The following MAGI2 variants were observed in gnomAD, a reference collection of about 807,000 sequenced individuals.
MAGI2 encodes membrane-associated guanylate kinase, WW and PDZ domain-containing protein 2.
A neutral mutation model predicts 133.3 loss-of-function variants in MAGI2; 35 were observed. The observed-to-expected ratio is 0.26, with a 90% CI of 0.20 to 0.35. MAGI2 has a LOEUF of 0.35. Ranked by LOEUF, MAGI2 falls within the 10% of genes least tolerant of loss-of-function variation. MAGI2 has a pLI of 1.00. For missense variants in MAGI2, 1,636 were observed against 1,863.4 expected (o/e 0.88, Z 2.25); for synonymous variants, 729 against 710.6 (o/e 1.03, Z -0.41).
At chr7:78,760,461 C>T (rs539760132) in intron 2 of MAGI2, among the ~76,000 whole-genome samples, 1 of 148,018 alleles carries the variant, frequency 6.8e-6, no homozygotes, top group African/African-American at 2.5e-5. Context: ...CTCCTGGGTT[C>T]GAGCGATTCT....
intron 16 of MAGI2, among the ~76,000 whole-genome samples, chr7:78,149,587 C>T (rs1823663021): frequency 6.6e-6 from 1 of 152,214 alleles, no homozygotes; most frequent in South Asian, 2.1e-4. Flanking sequence ...TCTAGCAAGT[C>T]TAATAAACAT....
At chr7:78,899,070 C>A (rs1371174369) in intron 2 of MAGI2, among the ~76,000 whole-genome samples, 1 of 152,074 alleles carries the variant, frequency 6.6e-6, no homozygotes, top group Non-Finnish European at 1.5e-5. Context: ...CTTCTCCAGG[C>A]AAACTCTACC....
chr7:79,217,737 T>C (rs994113992), intron 1 of MAGI2, among the ~76,000 whole-genome samples: 4 of 152,030 alleles, frequency 2.6e-5, no homozygotes, highest in African/African-American at 9.7e-5. Context: ...TATGTCACAA[T>C]TTCCTCTCTA....
chr7:78,806,929 G>GT (rs1788632062), intron 2 of MAGI2, among the ~76,000 whole-genome samples: 1 of 148,378 alleles, frequency 6.7e-6, no homozygotes, highest in African/African-American at 2.5e-5. Flanking sequence ...AAATAAATTC[G>GT]TAATGGTTCC....
chr7:78,887,905 C>T (rs558953968), intron 2 of MAGI2, among the ~76,000 whole-genome samples: 29 of 152,204 alleles, frequency 1.9e-4, no homozygotes, highest in South Asian at 6.2e-4. Flanking sequence ...TGCAGCGCAC[C>T]GAGCATGAGC....
rs549779860 is a variant in MAGI2 at position 78,426,104 on chromosome 7, C to A, written c.1046-56891G>T. Among the ~76,000 whole-genome samples, 3 of 152,012 alleles carry A rather than the reference C, an allele frequency of 2.0e-5. No individual in the cohort carries two copies. The East Asian group carries it at 5.8e-4, about 29-fold the overall frequency. On this transcript the variant is annotated intron_variant, in intron 6 of 21. Transcript: ENST00000354212. ...GGAAAGTATGACCATAATGAATGAA[C>A]AAATGAGGAATCACAGAAGAGCAAC...
chr7:78,556,432 C>T (rs756201150), intron 3 of MAGI2, among the ~76,000 whole-genome samples: 2 of 152,112 alleles, frequency 1.3e-5, no homozygotes, highest in African/African-American at 4.8e-5. Context: ...TGGATTCATC[C>T]GTTTACTTAT....
intron 1 of MAGI2, among the ~76,000 whole-genome samples, chr7:79,440,298 C>G (rs1848415077): frequency 6.6e-6 from 1 of 151,992 alleles, no homozygotes; most frequent in Non-Finnish European, 1.5e-5. Context: ...ATAGCAAAGG[C>G]ATTTGTAAAA....
chr7:78,871,766 G>T (rs1449277696), intron 2 of MAGI2, among the ~76,000 whole-genome samples: 5 of 152,120 alleles, frequency 3.3e-5, no homozygotes, highest in African/African-American at 1.2e-4. Flanking sequence ...TGTAAATTTA[G>T]CAGGAAGACA....
chr7:78,123,315 A>C (rs750774124), intron 20 of MAGI2, among the ~76,000 whole-genome samples: 1 of 152,174 alleles, frequency 6.6e-6, no homozygotes, highest in Non-Finnish European at 1.5e-5. Flanking sequence ...TACCTCTTGC[A>C]TATATTCCAA....
chr7:78,383,702 A>G (rs1230596633), intron 6 of MAGI2, among the ~76,000 whole-genome samples: 1 of 151,910 alleles, frequency 6.6e-6, no homozygotes, highest in Non-Finnish European at 1.5e-5. Context: ...AGTTTCCCCT[A>G]GGTTTCCTTT....
intron 1 of MAGI2, among the ~76,000 whole-genome samples, chr7:79,340,203 C>T (rs1355128125): frequency 1.3e-5 from 2 of 151,944 alleles, no homozygotes; most frequent in Non-Finnish European, 2.9e-5. Context: ...ATCATTCTTC[C>T]CTAATTCTTT....
At chr7:78,289,725 A>T (rs550175557) in intron 9 of MAGI2, among the ~76,000 whole-genome samples, 8 of 152,332 alleles carry the variant, frequency 5.3e-5, no homozygotes, top group Admixed American at 2.6e-4. Flanking sequence ...GGTTACCCAC[A>T]AAAGGAAGCC....
chr7:78,300,133 A>C (rs1252064223), intron 9 of MAGI2, among the ~76,000 whole-genome samples: 1 of 152,206 alleles, frequency 6.6e-6, no homozygotes, highest in African/African-American at 2.4e-5. Context: ...ACATTTTTAT[A>C]TTATAGTTCT....
intron 2 of MAGI2, among the ~76,000 whole-genome samples, chr7:78,745,313 C>T (rs1407503449): frequency 6.6e-6 from 1 of 152,130 alleles, no homozygotes; most frequent in African/African-American, 2.4e-5. Flanking sequence ...GATTGCAAGG[C>T]CTGTGCATTT....
intron 6 of MAGI2, among the ~76,000 whole-genome samples, chr7:78,483,337 A>G (rs1311712604): frequency 6.6e-6 from 1 of 151,948 alleles, no homozygotes; most frequent in African/African-American, 2.4e-5. Flanking sequence ...ATTGCTCTAC[A>G]TGCAAGTAAC....
At chr7:78,371,260 A>C (rs906196825) in intron 6 of MAGI2, among the ~76,000 whole-genome samples, 1 of 151,928 alleles carries the variant, frequency 6.6e-6, no homozygotes, top group South Asian at 2.1e-4. Context: ...CTCATTCAAA[A>C]CCCTTTTTTA....
Position 79,357,882 on chromosome 7 carries a change from G to A in MAGI2, c.301+95138C>T, listed in dbSNP as rs372952326. Among the ~76,000 whole-genome samples the A allele has an allele frequency of 7.9e-5, 12 of 152,254 alleles. No homozygotes were observed. In the East Asian group the frequency reaches 2.1e-3, roughly 27 times the overall value. ...ATGTAACGTAACTAAGTATGAGCATGTGCATGAAAATACTTGCAAATCATA... is the reference window on the plus strand; with the variant it reads ...ATGTAACGTAACTAAGTATGAGCATATGCATGAAAATACTTGCAAATCATA... On this transcript the variant is annotated intron_variant, in intron 1 of 21. Coordinates refer to ENST00000354212, the MANE Select transcript of MAGI2 (RefSeq NM_012301.4).
At chr7:78,714,403 T>C (rs1220216264) in intron 2 of MAGI2, among the ~76,000 whole-genome samples, 2 of 152,190 alleles carry the variant, frequency 1.3e-5, no homozygotes, top group South Asian at 4.1e-4. Flanking sequence ...AGCTACTCGG[T>C]GCATGCCCAG....
Sources: allele counts gnomAD v4.1 joint callset (sites outside exome capture counted in the v4.1 genomes callset), GRCh38; gene constraint gnomAD v4.1.1; transcripts MANE v1.5; gene names NCBI Gene and HGNC (gene_info 2026-07-23, HGNC 2026-07-21).